CCDC157: variants seen among roughly 807,000 people sequenced by gnomAD.
CCDC157 encodes coiled-coil domain-containing protein 157.
CCDC157 carries 60 observed loss-of-function variants against 70.9 expected under a neutral mutation model. The observed-to-expected ratio is 0.85, with a 90% CI of 0.69 to 1.05. The LOEUF is 1.05. Ranked by LOEUF, CCDC157 falls within the 50% of genes least tolerant of loss-of-function variation. The pLI is 0.00. For synonymous variants in CCDC157, 373 were observed against 422.4 expected (o/e 0.88, Z 1.43); for missense variants, 943 against 984.2 (o/e 0.96, Z 0.56).
chr22:30,373,555 C>T, intron 7 of CCDC157, 42 bp from the exon 8 acceptor site: 1 of 1,548,218 alleles, frequency 6.5e-7, no homozygotes, highest in South Asian at 1.2e-5. Flanking sequence ...GGGCCTAGCC[C>T]TGTGGGTCTC....
rs144157394 is a variant in CCDC157 at position 30,362,847 on chromosome 22, C to G, written c.-12+733C>G. Among the ~76,000 whole-genome samples the G allele has an allele frequency of 4.4e-4, 67 of 152,260 alleles. 1 individual carries two copies. In the East Asian group the frequency reaches 0.011, roughly 25 times the overall value. The stretch of plus-strand genomic sequence containing the variant: ...AGTCGAGGGCTAAGCCAGGTGCACT[C>G]AGTGGGGTGCCGTTTTCTGAGATGA... On this transcript the variant is annotated intron_variant, in intron 2 of 11. Coordinates refer to ENST00000338306, the MANE Select transcript of CCDC157 (RefSeq NM_001017437.5).
chr22:30,359,500 A>G (rs1404455822), intron 1 of CCDC157, among the ~76,000 whole-genome samples: 2 of 152,218 alleles, frequency 1.3e-5, no homozygotes, highest in Non-Finnish European at 2.9e-5. Flanking sequence ...GTCTTGACGT[A>G]GTGCCTGGTA....
At chr22:30,357,782 G>C (rs1340707855) in intron 1 of CCDC157, among the ~76,000 whole-genome samples, 2 of 151,600 alleles carry the variant, frequency 1.3e-5, no homozygotes. Flanking sequence ...TTCCCAAAGT[G>C]TTAGGGTTAC....
chr22:30,361,084 A>T (rs1358185734), intron 1 of CCDC157, among the ~76,000 whole-genome samples: 1 of 151,488 alleles, frequency 6.6e-6, no homozygotes, highest in African/African-American at 2.4e-5. Context: ...TTAAAAAATA[A>T]TAAAAATACA....
chr22:30,375,559 G>A lies in CCDC157; in HGVS notation c.1753G>A (p.Val585Met). The change falls in exon 10 of 12, where the codon GTG (valine) becomes ATG (methionine). Residue 585 changes from valine (V) to methionine (M), a missense_variant. Val to Met is a conservative substitution (Grantham distance 21). Coordinates refer to ENST00000338306, the MANE Select transcript of CCDC157 (RefSeq NM_001017437.5). Reference protein sequence around the residue: ...GNVTDHMERQVQSNDIRIRVL... With the variant: ...GNVTDHMERQMQSNDIRIRVL... ...CGTCACAGATCACATGGAGAGGCAA[G>A]TGCAGTCCAACGACATCCGCATCCG... 1 of 1,614,206 alleles carries A rather than the reference G, an allele frequency of 6.2e-7. No individual in the cohort carries two copies.
At chr22:30,356,756 G>A (rs1931883914), upstream of CCDC157, 1 of 1,485,686 alleles carries the variant, frequency 6.7e-7, no homozygotes, top group Admixed American at 2.2e-5. Flanking sequence ...GGCACGGGCG[G>A]CGGCGGGGGC....
At chr22:30,370,138 G>A in intron 4 of CCDC157, 188 bp from the exon 5 acceptor site, 1 of 715,808 alleles carries the variant, frequency 1.4e-6, no homozygotes, top group Non-Finnish European at 2.4e-6. Flanking sequence ...AGACCTGGCT[G>A]TAGTAAGCTG....
chr22:30,372,138 A>T lies in CCDC157; in HGVS notation c.1187A>T (p.Gln396Leu). The change falls in exon 7 of 12, where the codon CAG (glutamine) becomes CTG (leucine). Residue 396 changes from glutamine to leucine, a missense_variant. Physicochemically the swap from Gln to Leu is moderately radical, Grantham distance 113 (BLOSUM62 -2). Transcript: ENST00000338306. ...ERRAAAERQV[Q>L]QLEEQVQQLE... Reference sequence around the variant, plus strand: ...AGGGCGGCAGCGGAGAGGCAGGTGCAGCAGCTGGAGGAGCAGGTGCAGCAG... The same window carrying T: ...AGGGCGGCAGCGGAGAGGCAGGTGCTGCAGCTGGAGGAGCAGGTGCAGCAG... The T allele has an allele frequency of 6.4e-7, 1 of 1,555,022 alleles. No homozygotes were observed. The highest frequency in any genetic ancestry group is 8.7e-7 in the Non-Finnish European group (1 of 1,150,372).
rs565576480 is a variant in CCDC157, at chr22:30,361,603, A to G, written c.-165-358A>G. 3.3e-5 allele frequency among the ~76,000 whole-genome samples: 5 copies of G among 152,288 alleles called. No individual in the cohort carries two copies. The South Asian group carries it at 8.3e-4, about 25-fold the overall frequency. ...ACCTAAAATTGTGTGTGTGGCTTATAGTATATTTCTTTTGGACACTGCTGC... is the reference window on the plus strand; with the variant it reads ...ACCTAAAATTGTGTGTGTGGCTTATGGTATATTTCTTTTGGACACTGCTGC... On this transcript the variant is annotated intron_variant, in intron 1 of 11. Coordinates refer to ENST00000338306, the MANE Select transcript of CCDC157 (RefSeq NM_001017437.5).
intron 3 of CCDC157, among the ~76,000 whole-genome samples, chr22:30,367,277 T>C (rs1166817279): frequency 3.3e-5 from 5 of 151,336 alleles, no homozygotes; most frequent in African/African-American, 1.2e-4. Context: ...GGAGTTTTGC[T>C]CTTCTTGGAG....
chr22:30,365,988 A>T lies in CCDC157; in HGVS notation c.-11-2A>T, dbSNP rs745661166. ...GGCAGGGCTCTTCTCTGCTCACCCCAGGATCTGTGAGGATGGCGCACCTGC... is the reference window on the plus strand; with the variant it reads ...GGCAGGGCTCTTCTCTGCTCACCCCTGGATCTGTGAGGATGGCGCACCTGC... On this transcript the variant is annotated splice_acceptor_variant, in intron 2 of 11. Transcript: ENST00000338306. LOFTEE classifies it low-confidence loss of function (5UTR_SPLICE). 42 of 1,576,750 alleles carry T rather than the reference A, an allele frequency of 2.7e-5. No homozygotes were observed. The highest frequency in any genetic ancestry group is 8.6e-7 in the Non-Finnish European group (1 of 1,168,104).
Position 30,362,776 on chromosome 22 carries a change from T to A in CCDC157, c.-12+662T>A, listed in dbSNP as rs1364229893. 2.0e-5 allele frequency among the ~76,000 whole-genome samples: 3 copies of A among 151,938 alleles called. No homozygotes were observed. In the East Asian group the frequency reaches 5.8e-4, roughly 29 times the overall value. ...TCGATGTAGGATTGGCAGCACTGGG[T>A]CCTGGGACATGGGGGTAGAGGAAAG... On this transcript the variant is annotated intron_variant, in intron 2 of 11. Coordinates refer to ENST00000338306, the MANE Select transcript of CCDC157 (RefSeq NM_001017437.5).
At position 30,357,033 on chromosome 22, in the gene CCDC157, C is replaced by T; in HGVS notation, c.-265C>T. 2.6e-6 allele frequency: 1 copy of T among 383,022 alleles called. No individual in the cohort carries two copies. Among genetic ancestry groups the T allele is most frequent in the Non-Finnish European group, 4.6e-6 (1 of 217,270 alleles). The allele number at this position is 383,022 out of a possible 1,614,324, so 23.7% of individuals were successfully genotyped here. On this transcript the variant is annotated 5_prime_UTR_variant, in exon 1 of 12. Transcript: ENST00000338306. The stretch of plus-strand genomic sequence containing the variant: ...TTGCCAAGGCAGCGGCCTGAGCGCC[C>T]GGCTAGGGCTTTTCGGGGATCCCGG...
chr22:30,375,326 C>T, intron 9 of CCDC157, 153 bp from the exon 10 acceptor site: 1 of 671,352 alleles, frequency 1.5e-6, no homozygotes, highest in Non-Finnish European at 2.5e-6. Flanking sequence ...GTCATCTTCC[C>T]TGCAGGTTGG....
chr22:30,371,655 A>T lies in CCDC157; in HGVS notation c.1051A>T (p.Ser351Cys), dbSNP rs41296241. The stretch of plus-strand genomic sequence containing the variant: ...CTCTCTCTTGGCTGCCATAGAAACA[A>T]GTGACCTAAAGACAAAGATGGCCAC... Reference protein sequence around the residue: ...HDKQQLLTETSDLKTKMATLE... With the variant: ...HDKQQLLTETCDLKTKMATLE... The change falls in exon 6 of 12, where the codon AGT becomes TGT. Residue 351 changes from serine (S) to cysteine (C), a missense_variant. Ser to Cys is a moderately radical substitution (Grantham distance 112, BLOSUM62 -1). Transcript: ENST00000338306. The T allele has an allele frequency of 9.6e-4, 1,551 of 1,613,966 alleles. 2 individuals carry two copies. Among genetic ancestry groups the T allele is most frequent in the Non-Finnish European group, 1.3e-3 (1,484 of 1,179,810 alleles).
At chr22:30,357,713 C>CA (rs1932009138) in intron 1 of CCDC157, among the ~76,000 whole-genome samples, 1 of 146,428 alleles carries the variant, frequency 6.8e-6, no homozygotes, top group Non-Finnish European at 1.5e-5. Context: ...GACGGGGTTT[C>CA]ACCATGCTGG....
chr22:30,370,351 C>T lies in CCDC157; in HGVS notation c.446C>T (p.Pro149Leu), dbSNP rs769382809. The T allele has an allele frequency of 7.4e-6, 12 of 1,613,828 alleles. No individual in the cohort carries two copies. The highest frequency in any genetic ancestry group is 1.0e-5 in the Non-Finnish European group (12 of 1,179,972). ...AAAGGGGCAAACCAAAGGGAGACTCCCACCTCCAAGCCCACCACCAAGGGC... is the reference window on the plus strand; with the variant it reads ...AAAGGGGCAAACCAAAGGGAGACTCTCACCTCCAAGCCCACCACCAAGGGC... Reference protein sequence around the residue: ...PQKGANQRETPTSKPTTKGEP... With the variant: ...PQKGANQRETLTSKPTTKGEP... Residue 149 changes from proline (P) to leucine (L), a missense_variant, in exon 5 of 12, where the codon CCC becomes CTC. Coordinates refer to ENST00000338306, the MANE Select transcript of CCDC157 (RefSeq NM_001017437.5).
chr22:30,357,087 G>C lies in CCDC157; in HGVS notation c.-211G>C. On this transcript the variant is annotated 5_prime_UTR_variant, in exon 1 of 12. Coordinates refer to ENST00000338306, the MANE Select transcript of CCDC157 (RefSeq NM_001017437.5). The stretch of plus-strand genomic sequence containing the variant: ...CCGCAGGCGCACCGGGGGCAGTTCC[G>C]GGAGCCGACCAGACACGAAGGCTGA... The C allele has an allele frequency of 3.0e-6, 1 of 328,616 alleles. No homozygotes were observed. Among genetic ancestry groups the C allele is most frequent in the African/African-American group, 2.1e-5 (1 of 46,984 alleles). The allele number at this position is 328,616 out of a possible 1,614,324, so 20.4% of individuals were successfully genotyped here. A position where few individuals can be genotyped will look rare whatever the true frequency, so the allele number is the denominator to read the frequency against.
Position 30,369,557 on chromosome 22 carries a change from A to C in CCDC157, c.374A>C (p.Asp125Ala), listed in dbSNP as rs757697852. 4 of 1,599,628 alleles carry C rather than the reference A, an allele frequency of 2.5e-6. No individual in the cohort carries two copies. Among genetic ancestry groups the C allele is most frequent in the Non-Finnish European group, 3.4e-6 (4 of 1,173,398 alleles). The change falls in exon 4 of 12, where the codon GAC becomes GCC. Residue 125 changes from aspartate to alanine, a missense_variant. Physicochemically the swap from Asp to Ala is moderately radical, Grantham distance 126. Coordinates refer to ENST00000338306, the MANE Select transcript of CCDC157 (RefSeq NM_001017437.5). ...GGGCTCACGGTGCGGCGCTTCTGGG[A>C]CAGCCTGCTGAGGCTGGGCACGCTC... ...SVGLTVRRFW[D>A]SLLRLGTLHQ...
Sources: allele counts gnomAD v4.1 joint callset (sites outside exome capture counted in the v4.1 genomes callset), GRCh38; gene constraint gnomAD v4.1.1; transcripts MANE v1.5; gene names NCBI Gene and HGNC (gene_info 2026-07-23, HGNC 2026-07-21).